SMC4: variants seen among roughly 807,000 people sequenced by gnomAD.
SMC4 encodes the protein structural maintenance of chromosomes 4, also known as structural maintenance of chromosomes protein 4.
SMC4 carries 87 observed loss-of-function variants against 145.6 expected under a neutral mutation model. The ratio of observed to expected loss-of-function variants is 0.60; its 90% CI spans 0.50 to 0.71. The LOEUF is 0.71. Among genes scored for constraint, SMC4 ranks in the 30% least tolerant of loss-of-function variants. The pLI is 0.00. For missense variants in SMC4, 1,447 were observed against 1,537.1 expected (o/e 0.94, Z 0.98); for synonymous variants, 558 against 500.7 (o/e 1.11, Z -1.53).
In SMC4 at chr3:160,430,714, G is replaced by C. The variant is rs766127590; in HGVS notation, c.2911G>C (p.Glu971Gln). Residue 971 changes from glutamate (E) to glutamine (Q), a missense_variant, in exon 19 of 24, where the codon GAG (glutamate) becomes CAG (glutamine). Coordinates refer to ENST00000357388, the MANE Select transcript of SMC4 (RefSeq NM_001002800.3). ...ELKSLEDKAA[E>Q]VVKNTNAAEE... ...GAAAAGTCTTGAGGACAAAGCAGCAGAGGTCGTAAAGAATACAAATGCTGC... is the reference window on the plus strand; with the variant it reads ...GAAAAGTCTTGAGGACAAAGCAGCACAGGTCGTAAAGAATACAAATGCTGC... 3.2e-5 allele frequency: 52 copies of C among 1,613,068 alleles called. 1 individual carries two copies. The highest frequency in any genetic ancestry group is 5.5e-5 in the South Asian group (5 of 90,924).
intron 5 of SMC4, chr3:160,411,714 A>G: frequency 2.4e-6 from 1 of 417,656 alleles, no homozygotes; most frequent in East Asian, 3.6e-5. Flanking sequence ...CATGTTTCAT[A>G]TCTCCCTGTG....
intron 9 of SMC4, 134 bp downstream of exon 9, chr3:160,414,651 A>G (rs769544746): frequency 1.5e-5 from 14 of 941,298 alleles, no homozygotes; most frequent in Non-Finnish European, 1.8e-5. Flanking sequence ...GTCTCTGAAC[A>G]TGATTTTACC....
In SMC4 at chr3:160,431,834, G is replaced by T; in HGVS notation, c.3297+9G>T. The T allele has an allele frequency of 1.2e-6, 2 of 1,609,694 alleles. No individual in the cohort carries two copies. The highest frequency in any genetic ancestry group is 2.2e-5 in the South Asian group (2 of 90,196). On this transcript the variant is annotated intron_variant, in intron 21 of 23. Coordinates refer to ENST00000357388, the MANE Select transcript of SMC4 (RefSeq NM_001002800.3). Reference sequence around the variant, plus strand: ...CAGAGTATAAAAAGAAGGTATGAATGAACTGTGTATGTATACTAGTTGGAG... The same window carrying T: ...CAGAGTATAAAAAGAAGGTATGAATTAACTGTGTATGTATACTAGTTGGAG...
rs767816071 is a variant in SMC4, at chr3:160,432,471, G to A, written c.3486G>A (p.Glu1162=). ...MLTLGGDAEL[E]LVDSLDPFSE... ...CTTTGGGAGGGGACGCCGAACTCGA[G>A]CTTGTAGACAGCTTGGATCCTTTCT... Residue 1162 remains glutamate (E), a synonymous_variant, in exon 22 of 24, where the codon GAG becomes GAA. Coordinates refer to ENST00000357388, the MANE Select transcript of SMC4 (RefSeq NM_001002800.3). 2.5e-6 allele frequency: 4 copies of A among 1,612,332 alleles called. No homozygotes were observed. The highest frequency in any genetic ancestry group is 2.2e-5 in the East Asian group (1 of 44,854).
intron 23 of SMC4, 100 bp downstream of exon 23, chr3:160,433,309 AT>A: frequency 2.5e-6 from 2 of 804,994 alleles, no homozygotes; most frequent in Non-Finnish European, 3.9e-6. Context: ...CTTTTTCTTT[AT>A]TGTCTAATAA....
intron 13 of SMC4, 25 bp downstream of exon 13, chr3:160,420,926 A>G (rs752973562): frequency 1.9e-6 from 3 of 1,572,952 alleles, no homozygotes; most frequent in Admixed American, 1.9e-5. Flanking sequence ...TAACCTACCT[A>G]TAATTGGAAT....
chr3:160,416,830 T>A (rs1355960358), intron 10 of SMC4, among the ~76,000 whole-genome samples: 2 of 152,168 alleles, frequency 1.3e-5, no homozygotes, highest in Non-Finnish European at 2.9e-5. Context: ...TTGGTTCAAA[T>A]CCTAGGTCAA....
Position 160,419,559 on chromosome 3 carries a change from G to C in SMC4, c.1857+16G>C. The C allele has an allele frequency of 6.4e-7, 1 of 1,571,564 alleles. No homozygotes were observed. The highest frequency in any genetic ancestry group is 8.6e-7 in the Non-Finnish European group (1 of 1,167,910). ...TGGAAGATTGGTAAAGTAGATTTTT[G>C]GGGGGCATGGCTTTACTTTTTTTTT... is the stretch of plus-strand genomic sequence containing the variant. On this transcript the variant is annotated intron_variant, in intron 12 of 23. Coordinates refer to ENST00000357388, the MANE Select transcript of SMC4 (RefSeq NM_001002800.3).
At chr3:160,418,132 G>C (rs767017388) in intron 11 of SMC4, among the ~76,000 whole-genome samples, 176 bp downstream of exon 11, 13 of 151,994 alleles carry the variant, frequency 8.6e-5, no homozygotes, top group Non-Finnish European at 1.3e-4. Context: ...AGACTATCAA[G>C]AAACTATATT....
At chr3:160,409,404 T>C (rs1372940749) in intron 5 of SMC4, among the ~76,000 whole-genome samples, 1 of 152,038 alleles carries the variant, frequency 6.6e-6, no homozygotes, top group Non-Finnish European at 1.5e-5. Flanking sequence ...GTATCTTTCA[T>C]TTTATTTGGA....
chr3:160,404,021 G>A (rs566128107), intron 4 of SMC4: 45 of 266,862 alleles, frequency 1.7e-4, no homozygotes, highest in African/African-American at 1.0e-3. Context: ...GATATGGTGG[G>A]AATCTTGTCT....
chr3:160,406,951 C>T (rs868288133), intron 5 of SMC4, among the ~76,000 whole-genome samples: 2 of 152,084 alleles, frequency 1.3e-5, no homozygotes, highest in Admixed American at 6.6e-5. Flanking sequence ...TTTTTATAAT[C>T]GTACATTTTC....
chr3:160,422,063 AATGGTATTCTGTTACATCATTTTGT>A (rs1576976774), intron 13 of SMC4, among the ~76,000 whole-genome samples: 1 of 152,216 alleles, frequency 6.6e-6, no homozygotes, highest in Admixed American at 6.5e-5. Flanking sequence ...TTTATTGCCA[AATGGTATTCTGTTACATCATTTTGT>A]ATAACCATTT....
At chr3:160,427,246 G>A (rs1717889831) in intron 17 of SMC4, among the ~76,000 whole-genome samples, 1 of 152,296 alleles carries the variant, frequency 6.6e-6, no homozygotes, top group South Asian at 2.1e-4. Flanking sequence ...CATGTAAGAT[G>A]GCACATATTT....
At chr3:160,412,624 G>T in intron 7 of SMC4, 171 bp downstream of exon 7, 1 of 1,205,836 alleles carries the variant, frequency 8.3e-7, no homozygotes, top group Non-Finnish European at 1.0e-6. Context: ...CACTTTGGGA[G>T]GCTAAGGCAG....
rs1371754832 is a variant in SMC4, at chr3:160,419,563, G to A, written c.1857+20G>A. 1 of 1,562,850 alleles carries A rather than the reference G, an allele frequency of 6.4e-7. No homozygotes were observed. ...AGATTGGTAAAGTAGATTTTTGGGG[G>A]GCATGGCTTTACTTTTTTTTTTTAA... On this transcript the variant is annotated intron_variant, in intron 12 of 23. Coordinates refer to ENST00000357388, the MANE Select transcript of SMC4 (RefSeq NM_001002800.3).
rs1716047866 is a variant in SMC4, at chr3:160,412,053, T to C, written c.821T>C (p.Val274Ala). 1.2e-6 allele frequency: 2 copies of C among 1,613,396 alleles called. No homozygotes were observed. Among genetic ancestry groups the C allele is most frequent in the East Asian group, 2.2e-5 (1 of 44,760 alleles). Residue 274 changes from valine to alanine, a missense_variant, in exon 6 of 24, where the codon GTT becomes GCT. Physicochemically the swap from Val to Ala is moderately conservative, Grantham distance 64. Coordinates refer to ENST00000357388, the MANE Select transcript of SMC4 (RefSeq NM_001002800.3). ...NEPIKVLCRR[V>A]EILNEHRGEK... ...CCTATTAAAGTCTTGTGTCGGAGAG[T>C]TGAAATATTAAATGAACACAGAGGA...
chr3:160,410,571 T>G (rs1320470518), intron 5 of SMC4, among the ~76,000 whole-genome samples: 5 of 152,274 alleles, frequency 3.3e-5, no homozygotes, highest in Non-Finnish European at 5.9e-5. Context: ...ATATAATGAA[T>G]GTTATGGAAA....
At position 160,432,972 on chromosome 3, in the gene SMC4, G is replaced by A; in HGVS notation, c.3531-54G>A. The A allele has an allele frequency of 2.3e-6, 3 of 1,282,480 alleles. No homozygotes were observed. In the Admixed American group the frequency reaches 5.4e-5, roughly 23 times the overall value. The allele number at this position is 1,282,480 out of a possible 1,614,324, so 79.4% of individuals were successfully genotyped here. On this transcript the variant is annotated intron_variant, in intron 22 of 23. Coordinates refer to ENST00000357388, the MANE Select transcript of SMC4 (RefSeq NM_001002800.3). ...TCAATTATGGAAAGCAAATCACAAA[G>A]TCTTAACTTTAGCTTTACAGGTAAT...
Sources: gnomAD v4.1 joint callset for allele counts (sites outside exome capture counted in the v4.1 genomes callset) on GRCh38, gnomAD v4.1.1 for gene constraint, MANE v1.5 for transcripts, NCBI Gene and HGNC (gene_info 2026-07-23, HGNC 2026-07-21) for gene names.